Variants in LRP1B observed in about 807,000 individuals in gnomAD.
LRP1B encodes low-density lipoprotein receptor-related protein 1B.
LRP1B carries 217 observed loss-of-function variants against 556.6 expected under a neutral mutation model. The observed-to-expected ratio is 0.39, with a 90% CI of 0.35 to 0.44. The LOEUF is 0.44. Among genes scored for constraint, LRP1B ranks in the 20% least tolerant of loss-of-function variants. The pLI, the probability that LRP1B is intolerant of heterozygous loss-of-function variation, is 1.00. For synonymous variants in LRP1B, 2,047 were observed against 1,865.8 expected, an observed-to-expected ratio of 1.10 and a Z score of -2.50; for missense variants, 5,053 against 5,620.8, an observed-to-expected ratio of 0.90 and a Z score of 3.23.
intron 31 of LRP1B, among the ~76,000 whole-genome samples, chr2:140,837,595 C>T (rs916433005): frequency 7.4e-6 from 1 of 136,012 alleles, no homozygotes; most frequent in African/African-American, 2.9e-5. Context: ...AATCATCATC[C>T]TTATGCAGTT....
At chr2:141,570,336 C>T (rs1326543846) in intron 2 of LRP1B, among the ~76,000 whole-genome samples, 1 of 150,838 alleles carries the variant, frequency 6.6e-6, no homozygotes, top group Non-Finnish European at 1.5e-5. Context: ...AACCCACTCC[C>T]CTAGCCAAGG....
rs550386316 is a variant in LRP1B at position 140,789,779 on chromosome 2, C to T, written c.5360-13541G>A. Among the ~76,000 whole-genome samples the T allele has an allele frequency of 8.9e-3, 1,342 of 150,428 alleles. 20 individuals carry two copies. The highest frequency in any genetic ancestry group is 0.032 in the African/African-American group (1,302 of 41,094). On this transcript the variant is annotated intron_variant, in intron 32 of 90. Coordinates refer to ENST00000389484, the MANE Select transcript of LRP1B (RefSeq NM_018557.3). Reference sequence around the variant, plus strand: ...CCAAGTAGCTGGGACTACAGGCGCCCGCCACTACGCCCGGCTAATTTTTTG... The same window carrying T: ...CCAAGTAGCTGGGACTACAGGCGCCTGCCACTACGCCCGGCTAATTTTTTG...
At chr2:140,611,908 G>A (rs903352997) in intron 41 of LRP1B, among the ~76,000 whole-genome samples, 2 of 152,080 alleles carry the variant, frequency 1.3e-5, no homozygotes, top group East Asian at 3.9e-4. Context: ...AAAAATAAAT[G>A]CTCACCTTAT....
intron 37 of LRP1B, among the ~76,000 whole-genome samples, chr2:140,705,656 T>G (rs1025219694): frequency 6.6e-6 from 1 of 151,252 alleles, no homozygotes; most frequent in South Asian, 2.1e-4. Context: ...TCATTTTAAA[T>G]TTGTGATACT....
intron 3 of LRP1B, among the ~76,000 whole-genome samples, chr2:141,430,201 T>C (rs1680513508): frequency 6.9e-6 from 1 of 144,910 alleles, no homozygotes; most frequent in South Asian, 2.3e-4. Context: ...CAAAAGTCAC[T>C]GGAACTGTGA....
chr2:141,206,801 G>A (rs1372369718), intron 6 of LRP1B, among the ~76,000 whole-genome samples: 2 of 152,124 alleles, frequency 1.3e-5, no homozygotes, highest in African/African-American at 4.8e-5. Context: ...AAGTGAGAGT[G>A]AGGCTATCTT....
intron 79 of LRP1B, among the ~76,000 whole-genome samples, chr2:140,332,324 C>T (rs879693480): frequency 2.6e-5 from 4 of 151,748 alleles, no homozygotes; most frequent in South Asian, 2.1e-4. Flanking sequence ...CTTTCTCTAA[C>T]GTAAATTTGT....
At position 141,549,549 on chromosome 2, in the gene LRP1B, T is replaced by C. The variant is rs185557592; in HGVS notation, c.206-69016A>G. 5.9e-5 allele frequency among the ~76,000 whole-genome samples: 9 copies of C among 152,308 alleles called. No individual in the cohort carries two copies. In the East Asian group the frequency reaches 1.7e-3, roughly 29 times the overall value. On this transcript the variant is annotated intron_variant, in intron 2 of 90. Transcript: ENST00000389484. ...CTTCCTCAGCCTTAGCAAGAGAATC[T>C]TTTGTCGGCCTTTCTCTTTTTTATA...
chr2:140,717,107 C>T (rs534465677), intron 35 of LRP1B, among the ~76,000 whole-genome samples: 2 of 151,962 alleles, frequency 1.3e-5, no homozygotes, highest in Non-Finnish European at 2.9e-5. Context: ...CTTATTTTAA[C>T]TCAATAAATC....
In LRP1B at chr2:140,683,803, G is replaced by C. The variant is rs554463722; in HGVS notation, c.6799+16447C>G. On this transcript the variant is annotated intron_variant, in intron 41 of 90. Transcript: ENST00000389484. ...GTCAGCTGTAGCAAAGCCAGCCTCC[G>C]GGCTAGGGGATGCCTTCCATGCGCT... is the stretch of plus-strand genomic sequence containing the variant. The C allele has an allele frequency of 6.3e-6, 5 of 789,418 alleles. No individual in the cohort carries two copies. The Admixed American group carries it at 1.0e-4, about 16-fold the overall frequency. The allele number at this position is 789,418 out of a possible 1,614,324, so 48.9% of individuals were successfully genotyped here.
intron 2 of LRP1B, among the ~76,000 whole-genome samples, chr2:141,758,918 A>C (rs1180114545): frequency 6.6e-6 from 1 of 152,140 alleles, no homozygotes; most frequent in Non-Finnish European, 1.5e-5. Flanking sequence ...CTAGAAAACC[A>C]AAGTATATTT....
rs72987187 is a variant in LRP1B, at chr2:141,435,046, T to C, written c.343+45350A>G. 9.8e-3 allele frequency among the ~76,000 whole-genome samples: 1,492 copies of C among 152,288 alleles called. 24 individuals carry two copies. The highest frequency in any genetic ancestry group is 0.034 in the African/African-American group (1,403 of 41,556). ...TTCCCCCTCATATTCAATCAGGGAC[T>C]AATAGTTTAATACTTTGATCACTTC... On this transcript the variant is annotated intron_variant, in intron 3 of 90. Transcript: ENST00000389484.
At chr2:141,133,528 T>C (rs1701414912) in intron 7 of LRP1B, among the ~76,000 whole-genome samples, 1 of 152,074 alleles carries the variant, frequency 6.6e-6, no homozygotes, top group Admixed American at 6.6e-5. Context: ...ATAAGTTTAT[T>C]GTGAAGATTA....
chr2:141,438,624 G>C (rs982034450), intron 3 of LRP1B, among the ~76,000 whole-genome samples: 2 of 152,200 alleles, frequency 1.3e-5, no homozygotes, highest in African/African-American at 4.8e-5. Context: ...TACTGAATAA[G>C]GATTTAGAGT....
intron 15 of LRP1B, among the ~76,000 whole-genome samples, chr2:141,003,310 T>C (rs1241409846): frequency 1.3e-5 from 2 of 152,054 alleles, no homozygotes; most frequent in African/African-American, 4.8e-5. Flanking sequence ...GAATTTGGGG[T>C]CTAAATTCCA....
chr2:141,474,141 T>C (rs76451156), intron 3 of LRP1B, among the ~76,000 whole-genome samples: 49,353 of 145,842 alleles, frequency 0.34, 8,931 homozygotes, highest in Non-Finnish European at 0.4. Context: ...CCTTTCTTCT[T>C]TTCCTTTTTC....
chr2:141,022,147 TATA>T (rs1436327349), intron 11 of LRP1B, among the ~76,000 whole-genome samples: 2 of 151,654 alleles, frequency 1.3e-5, no homozygotes, highest in African/African-American at 4.8e-5. Context: ...CTAAATAATA[TATA>T]ATGATTATTA....
rs546112868 is a variant in LRP1B at position 141,589,585 on chromosome 2, CT to C, written c.206-109053del. On this transcript the variant is annotated intron_variant, in intron 2 of 90. Transcript: ENST00000389484. ...GTGGGTTTGGTAACCAAATAACACACTTGTTAAAATTGTCAGTAAAATAAGA... is the reference window on the plus strand; with the variant it reads ...GTGGGTTTGGTAACCAAATAACACACTGTTAAAATTGTCAGTAAAATAAGA... Among the ~76,000 whole-genome samples, 55 of 152,270 alleles carry C rather than the reference CT, an allele frequency of 3.6e-4. No individual in the cohort carries two copies. The Middle Eastern group carries it at 0.01, about 28-fold the overall frequency.
intron 3 of LRP1B, among the ~76,000 whole-genome samples, chr2:141,479,793 T>C (rs1008904247): frequency 6.6e-6 from 1 of 152,166 alleles, no homozygotes; most frequent in African/African-American, 2.4e-5. Context: ...GCCAGTAGCA[T>C]TTAACTTTTT....
Sources: allele counts gnomAD v4.1 joint callset (sites outside exome capture counted in the v4.1 genomes callset), GRCh38; gene constraint gnomAD v4.1.1; transcripts MANE v1.5; gene names NCBI Gene and HGNC (gene_info 2026-07-23, HGNC 2026-07-21).